JAK2: variants seen among roughly 807,000 people sequenced by gnomAD.
The protein encoded by JAK2 is Janus kinase 2, also known as tyrosine-protein kinase JAK2.
Under a neutral mutation model 139.3 loss-of-function variants are expected in JAK2, and 86 were observed. The ratio of observed to expected loss-of-function variants is 0.62; its 90% confidence interval spans 0.52 to 0.74. JAK2 has a LOEUF of 0.74. Ranked by LOEUF, JAK2 falls within the 30% of genes least tolerant of loss-of-function variation. JAK2 has a pLI of 0.00. For synonymous variants in JAK2, 490 were observed against 437.7 expected (o/e 1.12, Z -1.49); for missense variants, 1,421 against 1,360.3 (o/e 1.04, Z -0.70).
Position 5,080,180 on chromosome 9 carries a change from G to A in JAK2, c.2132-49G>A, listed in dbSNP as rs1355962173. 3.0e-6 allele frequency: 4 copies of A among 1,339,012 alleles called. No homozygotes were observed. The African/African-American group carries it at 5.9e-5, about 20-fold the overall frequency. The allele number at this position is 1,339,012 out of a possible 1,614,324, so 82.9% of individuals were successfully genotyped here. A position where few individuals can be genotyped will look rare whatever the true frequency, so the allele number is the denominator to read the frequency against. On this transcript the variant is annotated intron_variant, in intron 16 of 24. Coordinates refer to ENST00000381652, the MANE Select transcript of JAK2 (RefSeq NM_004972.4). Reference sequence around the variant, plus strand: ...TAAAGCTATTTACATATAAAAGATTGGTTTACTTGTGAATTATTTAACCCT... The same window carrying A: ...TAAAGCTATTTACATATAAAAGATTAGTTTACTTGTGAATTATTTAACCCT...
intron 22 of JAK2, chr9:5,111,978 TC>T: frequency 2.0e-5 from 7 of 349,542 alleles, no homozygotes; most frequent in East Asian, 8.1e-5. Flanking sequence ...CGCCGTGGGC[TC>T]CCCCCAGGGC....
chr9:5,001,985 C>G (rs1029308608), intron 2 of JAK2, among the ~76,000 whole-genome samples: 2 of 151,940 alleles, frequency 1.3e-5, no homozygotes, highest in Admixed American at 1.3e-4. Context: ...CTTTTTATAT[C>G]CACTTACTGT....
chr9:5,029,845 C>T lies in JAK2; in HGVS notation c.289C>T (p.Pro97Ser), dbSNP rs1823027113. ...GAGTGAAACAGAAAGGATCTGGTAT[C>T]CACCCAACCATGTCTTCCATATAGA... ...LMSETERIWY[P>S]PNHVFHIDES... is the part of the protein sequence containing the mutation. Residue 97 changes from proline to serine, a missense_variant, in exon 4 of 25, where the codon CCA becomes TCA. Transcript: ENST00000381652. 3.7e-6 allele frequency: 6 copies of T among 1,610,418 alleles called. No individual in the cohort carries two copies. The highest frequency in any genetic ancestry group is 2.2e-5 in the East Asian group (1 of 44,774).
chr9:5,033,156 A>G (rs536097624), intron 4 of JAK2, among the ~76,000 whole-genome samples: 46 of 152,358 alleles, frequency 3.0e-4, no homozygotes, highest in Non-Finnish European at 5.1e-4. Context: ...GAGATGGAAG[A>G]TGAAATGAAT....
chr9:5,128,265 TG>T lies in JAK2; in HGVS notation c.*1475del, dbSNP rs1467164735. ...GTTGAAGGGAAGGAAAAGGAAGAAA[TG>T]TTTTTTACATTCATTATTATACTTA... On this transcript the variant is annotated 3_prime_UTR_variant, in exon 25 of 25. Coordinates refer to ENST00000381652, the MANE Select transcript of JAK2 (RefSeq NM_004972.4). The T allele has an allele frequency of 8.7e-6, 2 of 229,736 alleles. No homozygotes were observed. The highest frequency in any genetic ancestry group is 2.2e-5 in the African/African-American group (1 of 45,074). The allele number at this position is 229,736 out of a possible 1,614,324, so 14.2% of individuals were successfully genotyped here.
chr9:5,127,259 TA>T lies in JAK2; in HGVS notation c.*469del, dbSNP rs1224693694. ...TTAATACTGTTTTCTAATTTTTCCA[TA>T]GTTAATCTATAATTAATTACTTCAC... is the stretch of plus-strand genomic sequence containing the variant. On this transcript the variant is annotated 3_prime_UTR_variant, in exon 25 of 25. Transcript: ENST00000381652. The T allele has an allele frequency of 4.3e-6, 1 of 232,480 alleles. No individual in the cohort carries two copies. Among genetic ancestry groups the T allele is most frequent in the East Asian group, 6.0e-5 (1 of 16,548 alleles). The allele number at this position is 232,480 out of a possible 1,614,324, so 14.4% of individuals were successfully genotyped here.
chr9:5,021,995 T>A lies in JAK2; in HGVS notation c.8T>A (p.Met3Lys). 6.2e-7 allele frequency: 1 copy of A among 1,612,602 alleles called. No homozygotes were observed. Among genetic ancestry groups the A allele is most frequent in the Non-Finnish European group, 8.5e-7 (1 of 1,178,562 alleles). MG[M>K]ACLTMTEMEG... is the part of the protein sequence containing the mutation. ...TTCTGAAAAAGACTCTGCATGGGAA[T>A]GGCCTGCCTTACGATGACAGAAATG... The change falls in exon 3 of 25, where the codon ATG becomes AAG. Residue 3 changes from methionine to lysine, a missense_variant. Physicochemically the swap from Met to Lys is moderately conservative, Grantham distance 95. Coordinates refer to ENST00000381652, the MANE Select transcript of JAK2 (RefSeq NM_004972.4).
At chr9:5,064,835 G>T (rs771824959) in intron 8 of JAK2, 48 bp from the exon 9 acceptor site, 2 of 1,372,722 alleles carry the variant, frequency 1.5e-6, no homozygotes, top group Non-Finnish European at 2.0e-6. Context: ...ATTTAACATG[G>T]AGTTGACTTT....
chr9:5,025,473 T>G (rs190249172), intron 3 of JAK2, among the ~76,000 whole-genome samples: 30 of 152,146 alleles, frequency 2.0e-4, no homozygotes, highest in Admixed American at 1.0e-3. Context: ...CTTCCCTTCT[T>G]CTGTCTCTTT....
At chr9:5,009,187 C>T (rs1056653914) in intron 2 of JAK2, among the ~76,000 whole-genome samples, 2 of 152,080 alleles carry the variant, frequency 1.3e-5, no homozygotes, top group South Asian at 2.1e-4. Flanking sequence ...TTGGGTGGTC[C>T]GAGGCTCAGA....
chr9:5,022,081 A>G lies in JAK2; in HGVS notation c.94A>G (p.Met32Val), dbSNP rs778174935. Residue 32 changes from methionine to valine, a missense_variant, in exon 3 of 25, where the codon ATG becomes GTG. Met to Val is a conservative substitution (Grantham distance 21). Transcript: ENST00000381652. ...NGDISGNANS[M>V]KQIDPVLQVY... ...TGATATTTCTGGAAATGCCAATTCT[A>G]TGAAGCAAATAGATCCAGTTCTTCA... 6.8e-6 allele frequency: 11 copies of G among 1,613,998 alleles called. No homozygotes were observed. Among genetic ancestry groups the G allele is most frequent in the East Asian group, 2.2e-5 (1 of 44,884 alleles).
intron 22 of JAK2, among the ~76,000 whole-genome samples, chr9:5,102,185 G>A (rs558475044): frequency 6.6e-6 from 1 of 152,294 alleles, no homozygotes; most frequent in Admixed American, 6.5e-5. Flanking sequence ...ACAGTGTAGA[G>A]AAGACCTTAA....
At position 5,054,659 on chromosome 9, in the gene JAK2, T is replaced by G; in HGVS notation, c.711T>G (p.Ile237Met). The change falls in exon 7 of 25, where the codon ATT becomes ATG. Residue 237 changes from isoleucine to methionine, a missense_variant. Transcript: ENST00000381652. This position sits in a 1 kb window ranked among gnomAD's most constrained non-coding sequence, Gnocchi z 4.9. ...TAAGGTACAGATTTCGCAGATTTAT[T>G]CAGCAATTCAGCCAATGCAAAGCCA... is the stretch of plus-strand genomic sequence containing the variant. Reference protein sequence around the residue: ...KRIRYRFRRFIQQFSQCKATA... With the variant: ...KRIRYRFRRFMQQFSQCKATA... The G allele has an allele frequency of 1.2e-6, 2 of 1,613,356 alleles. No homozygotes were observed. Among genetic ancestry groups the G allele is most frequent in the Non-Finnish European group, 1.7e-6 (2 of 1,179,412 alleles).
intron 2 of JAK2, among the ~76,000 whole-genome samples, chr9:4,997,858 T>C (rs1820673048): frequency 6.6e-6 from 1 of 152,192 alleles, no homozygotes; most frequent in Non-Finnish European, 1.5e-5. Context: ...GTCTGCAGAA[T>C]TGTTTCATTT....
chr9:5,013,787 A>G (rs1370749585), intron 2 of JAK2, among the ~76,000 whole-genome samples: 1 of 152,104 alleles, frequency 6.6e-6, no homozygotes, highest in African/African-American at 2.4e-5. Context: ...TTTAAAATTT[A>G]TTTTGTACTT....
chr9:5,006,508 A>C (rs1445773897), intron 2 of JAK2, among the ~76,000 whole-genome samples: 1 of 152,184 alleles, frequency 6.6e-6, no homozygotes, highest in Non-Finnish European at 1.5e-5. Flanking sequence ...GTTTTTAAAG[A>C]AAAGTTGTTT....
chr9:5,054,897 G>A lies in JAK2; in HGVS notation c.936+13G>A, dbSNP rs528112691. 1.5e-4 allele frequency: 232 copies of A among 1,527,188 alleles called. 1 individual carries two copies. The South Asian group carries it at 2.0e-3, about 13-fold the overall frequency. 94.6% of individuals were successfully genotyped at this position (1,527,188 alleles called of 1,614,324 possible). On this transcript the variant is annotated intron_variant, in intron 7 of 24. Coordinates refer to ENST00000381652, the MANE Select transcript of JAK2 (RefSeq NM_004972.4). The surrounding 1 kb of genome is among the most constrained non-coding windows in gnomAD (Gnocchi z 4.9). ...ACTGACAGAACAGGTAATCCTTAAT[G>A]ATATGTTCTTGTTCTTTGTTATTTT...
At chr9:5,112,665 AC>A in intron 22 of JAK2, 1 of 957,864 alleles carries the variant, frequency 1.0e-6, no homozygotes, top group Non-Finnish European at 1.5e-6. Flanking sequence ...CTTATCCTGC[AC>A]CAGGCCGTCT....
chr9:5,106,720 T>G (rs546185539), intron 22 of JAK2, among the ~76,000 whole-genome samples: 39 of 152,216 alleles, frequency 2.6e-4, no homozygotes, highest in Non-Finnish European at 5.0e-4. Context: ...TATGCAGCCA[T>G]AAACAAGGGT....
Sources: gnomAD v4.1 joint callset for allele counts (sites outside exome capture counted in the v4.1 genomes callset) on GRCh38, gnomAD v4.1.1 for gene constraint, Gnocchi (gnomAD v3.1) non-coding constraint, MANE v1.5 for transcripts, NCBI Gene and HGNC (gene_info 2026-07-23, HGNC 2026-07-21) for gene names.